The following SLC66A2 variants were observed in gnomAD, a reference collection of about 807,000 sequenced individuals.
SLC66A2 encodes the protein PQ loop repeat containing 1.
In SLC66A2, 23 loss-of-function variants were observed where a neutral mutation model predicts 25.5. That is an observed-to-expected ratio of 0.90 (90% CI 0.65 to 1.28). The LOEUF (loss-of-function observed/expected upper bound fraction) is 1.28, where lower values mean the gene tolerates loss of function less well. SLC66A2 is among the 50% of genes most tolerant of loss of function. SLC66A2 has a pLI of 0.00. For synonymous variants in SLC66A2, 193 were observed against 166.5 expected (o/e 1.16, Z -1.23); for missense variants, 396 against 373.1 (o/e 1.06, Z -0.51).
intron 4 of SLC66A2, among the ~76,000 whole-genome samples, chr18:79,932,611 A>C (rs1276709151): frequency 6.6e-6 from 1 of 152,170 alleles, no homozygotes; most frequent in African/African-American, 2.4e-5. Context: ...AAATTACTAA[A>C]GTCAGGAATA....
rs1986166186 is a variant in SLC66A2, at chr18:79,927,955, G to A, written c.391+6014C>T. On this transcript the variant is annotated intron_variant, in intron 4 of 5. Transcript: ENST00000397778. The surrounding 1 kb of genome is among the most constrained non-coding windows in gnomAD (Gnocchi z 6.2). ...GGGAGAATGGCCTTGCCTGCTCTCA[G>A]CCTCCTCTCATCTTCAGGAGCCTTT... Among the ~76,000 whole-genome samples, 1 of 152,204 alleles carries A rather than the reference G, an allele frequency of 6.6e-6. No homozygotes were observed. The highest frequency in any genetic ancestry group is 1.5e-5 in the Non-Finnish European group (1 of 68,038).
At chr18:79,908,990 T>C (rs1982537491) in intron 5 of SLC66A2, among the ~76,000 whole-genome samples, 1 of 152,246 alleles carries the variant, frequency 6.6e-6, no homozygotes, top group African/African-American at 2.4e-5. Context: ...TGGTTTCTAT[T>C]GACTGTCATT....
chr18:79,948,986 A>T (rs2051024716), intron 2 of SLC66A2, among the ~76,000 whole-genome samples: 1 of 152,182 alleles, frequency 6.6e-6, no homozygotes, highest in East Asian at 1.9e-4. Context: ...AGGCGATGGG[A>T]AAGAAAGAAG....
chr18:79,926,084 G>A (rs1347048152), intron 4 of SLC66A2, among the ~76,000 whole-genome samples: 1 of 152,250 alleles, frequency 6.6e-6, no homozygotes, highest in Non-Finnish European at 1.5e-5. Context: ...ACAGTTTACA[G>A]ATGCTGTGGC....
chr18:79,904,309 A>C lies in SLC66A2; in HGVS notation c.609-126T>G. ...CAGGGGCACCCAGGGGGCTAAGGGG[A>C]CCCCCAGGCAGTCGGCGGGGAGGCC... On this transcript the variant is annotated intron_variant, in intron 5 of 5. Transcript: ENST00000397778. This position sits in a 1 kb window ranked among gnomAD's most constrained non-coding sequence, Gnocchi z 6.3. 1 of 821,722 alleles carries C rather than the reference A, an allele frequency of 1.2e-6. No homozygotes were observed. Among genetic ancestry groups the C allele is most frequent in the Non-Finnish European group, 2.0e-6 (1 of 506,540 alleles). 50.9% of individuals were successfully genotyped at this position (821,722 alleles called of 1,614,324 possible). A position where few individuals can be genotyped will look rare whatever the true frequency, so the allele number is the denominator to read the frequency against.
Position 79,917,667 on chromosome 18 carries a change from A to T in SLC66A2, c.608+1517T>A, listed in dbSNP as rs1041852834. Among the ~76,000 whole-genome samples, 5 of 151,982 alleles carry T rather than the reference A, an allele frequency of 3.3e-5. No homozygotes were observed. The highest frequency in any genetic ancestry group is 1.2e-4 in the African/African-American group (5 of 41,344). ...CCCTGCCTTTTGGGCTCCACACCGA[A>T]GCCCTCAGGGCTGCCACTGCCCAAC... On this transcript the variant is annotated intron_variant, in intron 5 of 5. Coordinates refer to ENST00000397778, the MANE Select transcript of SLC66A2 (RefSeq NM_025078.5). This position sits in a 1 kb window ranked among gnomAD's most constrained non-coding sequence, Gnocchi z 6.0.
At chr18:79,915,331 T>A (rs1983841281) in intron 5 of SLC66A2, 1 of 151,232 alleles carries the variant, frequency 6.6e-6, no homozygotes, top group South Asian at 2.1e-4. Context: ...CCCCTCCCCA[T>A]CCCCCCGGGG....
Position 79,951,568 on chromosome 18 carries a change from C to A in SLC66A2, c.-100+13G>T. 1 of 152,142 alleles carries A rather than the reference C, an allele frequency of 6.6e-6. No homozygotes were observed. The highest frequency in any genetic ancestry group is 1.8e-4 in the South Asian group (1 of 5,566). 9.4% of individuals were successfully genotyped at this position (152,142 alleles called of 1,614,324 possible). A position where few individuals can be genotyped will look rare whatever the true frequency, so the allele number is the denominator to read the frequency against. On this transcript the variant is annotated intron_variant, in intron 1 of 5. Coordinates refer to ENST00000397778, the MANE Select transcript of SLC66A2 (RefSeq NM_025078.5). ...GCCCCCCGAGGACCCCGCGCCGCCCCCGCGCTCCTTACCTGCGCCCCCAGC... is the reference window on the plus strand; with the variant it reads ...GCCCCCCGAGGACCCCGCGCCGCCCACGCGCTCCTTACCTGCGCCCCCAGC...
chr18:79,933,871 C>T (rs964544484), intron 4 of SLC66A2, 98 bp downstream of exon 4: 12 of 1,038,618 alleles, frequency 1.2e-5, no homozygotes, highest in Middle Eastern at 4.2e-4. Flanking sequence ...AGATGACGCA[C>T]GCACATGCAC....
Position 79,903,124 on chromosome 18 carries a change from AGAAG to A in SLC66A2, c.*848_*851del, listed in dbSNP as rs1297313007. 2.6e-5 allele frequency: 4 copies of A among 152,366 alleles called. No individual in the cohort carries two copies. Among genetic ancestry groups the A allele is most frequent in the Non-Finnish European group, 5.9e-5 (4 of 68,152 alleles). The allele number at this position is 152,366 out of a possible 1,614,324, so 9.4% of individuals were successfully genotyped here. A position where few individuals can be genotyped will look rare whatever the true frequency, so the allele number is the denominator to read the frequency against. On this transcript the variant is annotated 3_prime_UTR_variant, in exon 6 of 6. Coordinates refer to ENST00000397778, the MANE Select transcript of SLC66A2 (RefSeq NM_025078.5). ...GCATCCGGAGGTGCAGTCTGCACCC[AGAAG>A]GAAGGGGATCTCCGCCAGCAGAGCC...
At chr18:79,926,535 G>A (rs376936255) in intron 4 of SLC66A2, among the ~76,000 whole-genome samples, 54 of 152,216 alleles carry the variant, frequency 3.5e-4, no homozygotes, top group African/African-American at 1.2e-3. Flanking sequence ...ATGGGCGCTC[G>A]CAGGACGTGA....
chr18:79,905,471 G>C (rs992067828), intron 5 of SLC66A2, among the ~76,000 whole-genome samples: 7 of 152,296 alleles, frequency 4.6e-5, no homozygotes, highest in Non-Finnish European at 8.8e-5. Context: ...CCCCCTGCCT[G>C]CTTTAGGCCC....
At chr18:79,939,764 C>T (rs377340469) in intron 3 of SLC66A2, among the ~76,000 whole-genome samples, 5 of 61,908 alleles carry the variant, frequency 8.1e-5, no homozygotes, top group African/African-American at 2.1e-4. Context: ...GGAACACTTA[C>T]ATACTGTTGG....
At chr18:79,946,458 G>GT (rs1391922000) in intron 2 of SLC66A2, among the ~76,000 whole-genome samples, 1 of 152,250 alleles carries the variant, frequency 6.6e-6, no homozygotes, top group Non-Finnish European at 1.5e-5. Context: ...GCCGGAGGGC[G>GT]TGACTCCCAT....
At position 79,937,175 on chromosome 18, in the gene SLC66A2, G is replaced by A. The variant is rs1329630129; in HGVS notation, c.338-3153C>T. 1.3e-5 allele frequency among the ~76,000 whole-genome samples: 2 copies of A among 152,246 alleles called. No homozygotes were observed. Among genetic ancestry groups the A allele is most frequent in the African/African-American group, 2.4e-5 (1 of 41,532 alleles). ...GCCAACCCTCACACATGCCTAGGCCGTGGTCTCCAAACACTGTGTCCCAGA... is the reference window on the plus strand; with the variant it reads ...GCCAACCCTCACACATGCCTAGGCCATGGTCTCCAAACACTGTGTCCCAGA... On this transcript the variant is annotated intron_variant, in intron 3 of 5. Coordinates refer to ENST00000397778, the MANE Select transcript of SLC66A2 (RefSeq NM_025078.5). The surrounding 1 kb of genome is among the most constrained non-coding windows in gnomAD (Gnocchi z 5.4).
rs200332963 is a variant in SLC66A2 at position 79,950,691 on chromosome 18, G to A, written c.203+33C>T. On this transcript the variant is annotated intron_variant, in intron 2 of 5. Coordinates refer to ENST00000397778, the MANE Select transcript of SLC66A2 (RefSeq NM_025078.5). ...CCCAAAGGAGAAACCCTCTTCTCCG[G>A]GTGCAGCCCAGGAAAGCAAGCCCCC... The A allele has an allele frequency of 4.5e-5, 72 of 1,607,886 alleles. 1 individual carries two copies. In the African/African-American group the frequency reaches 7.2e-4, roughly 16 times the overall value.
intron 4 of SLC66A2, among the ~76,000 whole-genome samples, chr18:79,926,910 C>T (rs192356798): frequency 2.0e-5 from 3 of 152,286 alleles, no homozygotes; most frequent in Admixed American, 2.0e-4. Context: ...CTTTTAAGCA[C>T]TTTGGCGCTC....
chr18:79,934,110 G>T (rs1986843102), intron 3 of SLC66A2, 88 bp from the exon 4 acceptor site: 8 of 998,602 alleles, frequency 8.0e-6, no homozygotes, highest in East Asian at 5.2e-5. Flanking sequence ...TGTGTTCCCA[G>T]AACTTTTTGC....
chr18:79,929,295 G>A (rs1277759207), intron 4 of SLC66A2, among the ~76,000 whole-genome samples: 3 of 152,172 alleles, frequency 2.0e-5, no homozygotes, highest in Admixed American at 6.5e-5. Flanking sequence ...CCATCAATGA[G>A]TGGAGGCCAA....
Sources: gnomAD v4.1 joint callset for allele counts (sites outside exome capture counted in the v4.1 genomes callset) on GRCh38, gnomAD v4.1.1 for gene constraint, Gnocchi (gnomAD v3.1) non-coding constraint, MANE v1.5 for transcripts, NCBI Gene and HGNC (gene_info 2026-07-23, HGNC 2026-07-21) for gene names.